Variants in MTUS2 observed in about 807,000 individuals in gnomAD.
MTUS2 encodes the protein microtubule-associated tumor suppressor candidate 2.
Under a neutral mutation model 114.1 loss-of-function variants are expected in MTUS2, and 40 were observed. The ratio of observed to expected loss-of-function variants is 0.35; its 90% CI spans 0.27 to 0.46. The LOEUF is 0.46. Ranked by LOEUF, MTUS2 falls within the 20% of genes least tolerant of loss-of-function variation. MTUS2 has a pLI of 1.00. For synonymous variants in MTUS2, 688 were observed against 672.0 expected (o/e 1.02, Z -0.37); for missense variants, 1,679 against 1,705.4 (o/e 0.98, Z 0.27).
chr13:28,885,276 C>G (rs1189565866), intron 2 of MTUS2, among the ~76,000 whole-genome samples: 1 of 152,142 alleles, frequency 6.6e-6, no homozygotes, highest in East Asian at 1.9e-4. Context: ...TAAAAACGTT[C>G]TTGGCAACTC....
chr13:29,008,614 TG>T (rs1196601060), intron 2 of MTUS2, among the ~76,000 whole-genome samples: 2 of 152,240 alleles, frequency 1.3e-5, no homozygotes, highest in Admixed American at 1.3e-4. Flanking sequence ...ACCCTTGATT[TG>T]ATAGTTTAGC....
intron 13 of MTUS2, chr13:29,497,574 T>C (rs533898565): frequency 1.8e-6 from 1 of 548,818 alleles, no homozygotes; most frequent in East Asian, 3.0e-5. Context: ...TTCCACAGCA[T>C]TCCCCAGCTG....
chr13:29,106,832 A>C (rs971668458), intron 5 of MTUS2, among the ~76,000 whole-genome samples: 7 of 152,038 alleles, frequency 4.6e-5, no homozygotes, highest in African/African-American at 1.7e-4. Flanking sequence ...ACCCCGTTTC[A>C]ATTGCTGCAT....
intron 7 of MTUS2, among the ~76,000 whole-genome samples, chr13:29,358,098 A>G (rs11839671): frequency 0.067 from 10,200 of 152,170 alleles, 1,175 homozygotes; most frequent in African/African-American, 0.23. Flanking sequence ...TGTGCTGGTC[A>G]GTGTCTGTGT....
chr13:29,011,370 A>T (rs749157990), intron 2 of MTUS2, among the ~76,000 whole-genome samples: 1 of 152,226 alleles, frequency 6.6e-6, no homozygotes, highest in Non-Finnish European at 1.5e-5. Context: ...CCCCCCTTGC[A>T]TTATAGATTG....
chr13:29,432,713 G>T (rs933287367), intron 8 of MTUS2, among the ~76,000 whole-genome samples: 9 of 152,178 alleles, frequency 5.9e-5, no homozygotes, highest in African/African-American at 2.2e-4. Context: ...TAATGGACCT[G>T]TTATTCCTCA....
intron 9 of MTUS2, among the ~76,000 whole-genome samples, chr13:29,479,151 T>C (rs908808055): frequency 3.9e-5 from 6 of 152,214 alleles, no homozygotes; most frequent in African/African-American, 1.4e-4. Context: ...CTCAACTCTA[T>C]TTTAACGTAA....
At position 29,026,722 on chromosome 13, in the gene MTUS2, C is replaced by T. The variant is rs1169432391; in HGVS notation, c.2024C>T (p.Thr675Ile). 15 of 1,613,944 alleles carry T rather than the reference C, an allele frequency of 9.3e-6. No homozygotes were observed. The highest frequency in any genetic ancestry group is 1.3e-5 in the Non-Finnish European group (15 of 1,179,876). Reference protein sequence around the residue: ...VGLPYAPPTCTMPLPHEEKAA... With the variant: ...VGLPYAPPTCIMPLPHEEKAA... ...CTTCCATATGCCCCGCCCACATGTACCATGCCTCTTCCCCACGAAGAGAAG... is the reference window on the plus strand; with the variant it reads ...CTTCCATATGCCCCGCCCACATGTATCATGCCTCTTCCCCACGAAGAGAAG... Residue 675 changes from threonine to isoleucine, a missense_variant, in exon 3 of 16, where the codon ACC becomes ATC. Thr to Ile is a moderately conservative substitution (Grantham distance 89). Around this residue, in one of 3 missense-constraint regions of MTUS2, gnomAD observed 822 missense variants for 899.7 expected, o/e 0.91. Coordinates refer to ENST00000612955, the MANE Select transcript of MTUS2 (RefSeq NM_001033602.4).
chr13:28,925,973 C>G (rs906962697), intron 2 of MTUS2, among the ~76,000 whole-genome samples: 1 of 152,180 alleles, frequency 6.6e-6, no homozygotes, highest in Non-Finnish European at 1.5e-5. Context: ...ATACCCTGTC[C>G]TAGTAATAAA....
intron 5 of MTUS2, among the ~76,000 whole-genome samples, chr13:29,155,676 G>T (rs1327708933): frequency 6.6e-6 from 1 of 152,004 alleles, no homozygotes. Context: ...CAGAAATTCT[G>T]TATTTCTAAC....
intron 1 of MTUS2, among the ~76,000 whole-genome samples, chr13:28,837,634 C>A (rs536525198): frequency 1.3e-5 from 2 of 152,328 alleles, no homozygotes; most frequent in East Asian, 3.9e-4. Flanking sequence ...TCTGTATTAA[C>A]ATAAAGTCAC....
At position 29,307,100 on chromosome 13, in the gene MTUS2, C is replaced by G. The variant is rs112350237; in HGVS notation, c.2807-17513C>G. Reference sequence around the variant, plus strand: ...AGCATCTTCACCATCATGGAGAAGTCTGGGGCTCACTTGCAGGGAGGAGCC... The same window carrying G: ...AGCATCTTCACCATCATGGAGAAGTGTGGGGCTCACTTGCAGGGAGGAGCC... On this transcript the variant is annotated intron_variant, in intron 6 of 15. Coordinates refer to ENST00000612955, the MANE Select transcript of MTUS2 (RefSeq NM_001033602.4). 1,178 of 478,930 alleles carry G rather than the reference C, an allele frequency of 2.5e-3. 14 individuals carry two copies. The highest frequency in any genetic ancestry group is 0.021 in the African/African-American group (1,085 of 51,142). 29.7% of individuals were successfully genotyped at this position (478,930 alleles called of 1,614,324 possible).
At chr13:28,977,847 T>G (rs1884186356) in intron 2 of MTUS2, among the ~76,000 whole-genome samples, 1 of 152,226 alleles carries the variant, frequency 6.6e-6, no homozygotes, top group African/African-American at 2.4e-5. Flanking sequence ...AATCATCATC[T>G]TTGCCTGTTT....
intron 2 of MTUS2, among the ~76,000 whole-genome samples, chr13:28,864,653 C>G (rs1161454): frequency 0.9 from 137,277 of 152,274 alleles, 62,305 homozygotes; most frequent in Middle Eastern, 0.95. Context: ...AGAAGTTGTA[C>G]GGTTTTAAGT....
intron 5 of MTUS2, among the ~76,000 whole-genome samples, chr13:29,133,621 T>C (rs1385158749): frequency 6.6e-6 from 1 of 152,230 alleles, no homozygotes; most frequent in East Asian, 1.9e-4. Context: ...CCTCCCCCCA[T>C]TGAATAGTCA....
chr13:28,942,699 A>G (rs1199774444), intron 2 of MTUS2, among the ~76,000 whole-genome samples: 1 of 152,240 alleles, frequency 6.6e-6, no homozygotes, highest in African/African-American at 2.4e-5. Context: ...AGCTAGACAC[A>G]AAAGAGTAAT....
chr13:29,125,649 G>A (rs1363044022), intron 5 of MTUS2, among the ~76,000 whole-genome samples: 3 of 152,134 alleles, frequency 2.0e-5, no homozygotes, highest in Non-Finnish European at 2.9e-5. Context: ...GCAACCTGCC[G>A]CAGGATTTAC....
chr13:29,475,149 A>G (rs1304661062), intron 9 of MTUS2, among the ~76,000 whole-genome samples: 2 of 152,218 alleles, frequency 1.3e-5, no homozygotes, highest in Admixed American at 6.5e-5. Flanking sequence ...AACAGACCTC[A>G]TGTACAAAGG....
chr13:28,912,637 A>G (rs1330880444), intron 2 of MTUS2, among the ~76,000 whole-genome samples: 1 of 152,100 alleles, frequency 6.6e-6, no homozygotes, highest in Non-Finnish European at 1.5e-5. Context: ...GATTCTTCCT[A>G]TCCATGAGCA....
Sources: allele counts gnomAD v4.1 joint callset (sites outside exome capture counted in the v4.1 genomes callset), GRCh38; gene constraint gnomAD v4.1.1; regional missense constraint gnomAD v4.1.1; transcripts MANE v1.5; gene names NCBI Gene and HGNC (gene_info 2026-07-23, HGNC 2026-07-21).